The following CPEB1 variants were observed in gnomAD, a reference collection of about 807,000 sequenced individuals.
The protein encoded by CPEB1 is cytoplasmic polyadenylation element-binding protein 1.
In CPEB1, 7 loss-of-function variants were observed where a neutral mutation model predicts 65.8. The ratio of observed to expected loss-of-function variants is 0.11; its 90% CI spans 0.06 to 0.20. The LOEUF (loss-of-function observed/expected upper bound fraction) is 0.20, where lower values mean the gene tolerates loss of function less well. Among genes scored for constraint, CPEB1 ranks in the 10% least tolerant of loss-of-function variants. CPEB1 has a pLI of 1.00. For missense variants in CPEB1, 551 were observed against 712.2 expected (o/e 0.77, Z 2.58); for synonymous variants, 262 against 260.0 (o/e 1.01, Z -0.08).
At chr15:82,604,413 C>T (rs571765730) in intron 3 of CPEB1, among the ~76,000 whole-genome samples, 6 of 150,162 alleles carry the variant, frequency 4.0e-5, no homozygotes, top group African/African-American at 9.8e-5. Context: ...ACCCAGGAGG[C>T]GGAGCTTGCA....
At chr15:82,647,745 G>T, upstream of CPEB1, 1 of 1,006,174 alleles carries the variant, frequency 9.9e-7, no homozygotes, top group Non-Finnish European at 1.3e-6. Flanking sequence ...GGACTCGCCC[G>T]CACGGGGCGG....
At chr15:82,633,149 C>CA in intron 1 of CPEB1, 1 of 152,082 alleles carries the variant, frequency 6.6e-6, no homozygotes, top group South Asian at 2.1e-4. Context: ...TAAGATAAAT[C>CA]AGAGACTTAA....
chr15:82,622,116 C>T (rs2045354577), intron 3 of CPEB1, among the ~76,000 whole-genome samples: 1 of 148,452 alleles, frequency 6.7e-6, no homozygotes, highest in Non-Finnish European at 1.5e-5. Flanking sequence ...CCATTCCTCA[C>T]AGATTCCAAA....
intron 3 of CPEB1, among the ~76,000 whole-genome samples, chr15:82,606,945 T>G (rs2043668782): frequency 6.6e-6 from 1 of 151,662 alleles, no homozygotes; most frequent in African/African-American, 2.4e-5. Context: ...CCAGCCTGGG[T>G]GACAGAGCAA....
chr15:82,574,790 C>CTT (rs1438029350), intron 3 of CPEB1, among the ~76,000 whole-genome samples: 1 of 145,904 alleles, frequency 6.9e-6, no homozygotes, highest in Non-Finnish European at 1.5e-5. Context: ...CTCAACAGCG[C>CTT]TAAAAAGTGA....
intron 1 of CPEB1, among the ~76,000 whole-genome samples, chr15:82,635,846 G>T (rs916841905): frequency 1.3e-5 from 2 of 152,246 alleles, no homozygotes; most frequent in East Asian, 1.9e-4. Context: ...CAATAAGCAG[G>T]CATGAGAAAA....
In CPEB1 at chr15:82,548,606, G is replaced by A. The variant is rs1181979205; in HGVS notation, c.1480+854C>T. On this transcript the variant is annotated intron_variant, in intron 10 of 12. Coordinates refer to ENST00000684509, the MANE Select transcript of CPEB1 (RefSeq NM_001365242.1). Reference sequence around the variant, plus strand: ...CAGAGTGGAAGCCAAGATGCAGATAGAACACTTGTCTGAAGGGTAAGCCCA... The same window carrying A: ...CAGAGTGGAAGCCAAGATGCAGATAAAACACTTGTCTGAAGGGTAAGCCCA... 4 of 395,110 alleles carry A rather than the reference G, an allele frequency of 1.0e-5. No individual in the cohort carries two copies. The East Asian group carries it at 2.4e-4, about 24-fold the overall frequency. 24.5% of individuals were successfully genotyped at this position (395,110 alleles called of 1,614,324 possible). A position where few individuals can be genotyped will look rare whatever the true frequency, so the allele number is the denominator to read the frequency against.
At chr15:82,627,092 T>A in intron 3 of CPEB1, 101 bp downstream of exon 3, 1 of 949,170 alleles carries the variant, frequency 1.1e-6, no homozygotes, top group African/African-American at 1.7e-5. Flanking sequence ...CAACTCAACA[T>A]TGTTCTTCAC....
chr15:82,644,266 C>A (rs1596150871), intron 1 of CPEB1, among the ~76,000 whole-genome samples: 1 of 152,210 alleles, frequency 6.6e-6, no homozygotes, highest in Non-Finnish European at 1.5e-5. Flanking sequence ...GTGACCAGCT[C>A]CCAGACCACC....
intron 4 of CPEB1, among the ~76,000 whole-genome samples, chr15:82,571,112 T>A (rs976790042): frequency 6.6e-6 from 1 of 152,068 alleles, no homozygotes; most frequent in African/African-American, 2.4e-5. Context: ...GACTAACAAC[T>A]CCAGGGAATT....
chr15:82,590,469 T>C (rs2042158115), intron 3 of CPEB1, among the ~76,000 whole-genome samples: 1 of 152,208 alleles, frequency 6.6e-6, no homozygotes, highest in African/African-American at 2.4e-5. Flanking sequence ...CAGGGTGGTA[T>C]GGCTATAGAC....
chr15:82,546,475 C>G lies in CPEB1; in HGVS notation c.1622G>C (p.Ser541Thr), dbSNP rs777377028. ...YLEDSLCHIC[S>T]SQPGPFFCRD... ...ACAGAAGAAAGGACCAGGCTGAGAA[C>G]TGCAGATATGACACAGAGAATCTTC... The change falls in exon 12 of 13, where the codon AGT becomes ACT. Residue 541 changes from serine to threonine, a missense_variant. Coordinates refer to ENST00000684509, the MANE Select transcript of CPEB1 (RefSeq NM_001365242.1). 3.1e-6 allele frequency: 5 copies of G among 1,614,084 alleles called. No individual in the cohort carries two copies. The highest frequency in any genetic ancestry group is 4.5e-5 in the East Asian group (2 of 44,874).
At chr15:82,618,594 T>C (rs1282974923) in intron 3 of CPEB1, among the ~76,000 whole-genome samples, 2 of 152,036 alleles carry the variant, frequency 1.3e-5, no homozygotes, top group Non-Finnish European at 1.5e-5. Flanking sequence ...CTCAAACAAT[T>C]TGCACATAAG....
At chr15:82,576,418 G>A (rs1329259724) in intron 3 of CPEB1, among the ~76,000 whole-genome samples, 2 of 152,274 alleles carry the variant, frequency 1.3e-5, no homozygotes, top group Admixed American at 6.5e-5. Context: ...TAGAATTTGT[G>A]CTCTTCACTG....
intron 3 of CPEB1, 99 bp downstream of exon 3, chr15:82,627,094 G>A (rs867847454): frequency 1.0e-6 from 1 of 963,936 alleles, no homozygotes; most frequent in Non-Finnish European, 1.5e-6. Context: ...ACTCAACATT[G>A]TTCTTCACAA....
chr15:82,561,265 C>A (rs944095979), intron 4 of CPEB1, among the ~76,000 whole-genome samples: 6 of 152,148 alleles, frequency 3.9e-5, no homozygotes, highest in Non-Finnish European at 8.8e-5. Flanking sequence ...TGGAGTTAAA[C>A]AATGAGATTT....
chr15:82,634,108 C>A (rs1175422433), intron 1 of CPEB1, among the ~76,000 whole-genome samples: 2 of 151,894 alleles, frequency 1.3e-5, no homozygotes, highest in Admixed American at 1.3e-4. Context: ...CACTGTTACT[C>A]AGAGGTATGG....
intron 1 of CPEB1, chr15:82,629,179 C>T (rs1379948359): frequency 4.0e-6 from 3 of 742,340 alleles, no homozygotes; most frequent in East Asian, 2.6e-4. Flanking sequence ...GTTACTTAAC[C>T]TCTATCCCTC....
Position 82,605,970 on chromosome 15 carries a change from A to G in CPEB1, c.271+21223T>C, listed in dbSNP as rs56261932. On this transcript the variant is annotated intron_variant, in intron 3 of 12. Coordinates refer to ENST00000684509, the MANE Select transcript of CPEB1 (RefSeq NM_001365242.1). ...GGAGAATCGCTTGAACCCAGGAGGCAGAGGTTGTGGTGAGGCGAGATCGCG... is the reference window on the plus strand; with the variant it reads ...GGAGAATCGCTTGAACCCAGGAGGCGGAGGTTGTGGTGAGGCGAGATCGCG... Among the ~76,000 whole-genome samples the G allele has an allele frequency of 7.5e-3, 1,141 of 152,176 alleles. 13 individuals carry two copies. Among genetic ancestry groups the G allele is most frequent in the Non-Finnish European group, 8.5e-3 (575 of 67,984 alleles).
Sources: gnomAD v4.1 joint callset for allele counts (sites outside exome capture counted in the v4.1 genomes callset) on GRCh38, gnomAD v4.1.1 for gene constraint, MANE v1.5 for transcripts, NCBI Gene and HGNC (gene_info 2026-07-23, HGNC 2026-07-21) for gene names.